Variants in MAP3K1 observed in about 807,000 individuals in gnomAD.
MAP3K1 encodes MAP/ERK kinase kinase 1.
A neutral mutation model predicts 144.2 loss-of-function variants in MAP3K1; 36 were observed. The ratio of observed to expected loss-of-function variants is 0.25; its 90% CI spans 0.19 to 0.33. The LOEUF is 0.33. Among genes scored for constraint, MAP3K1 ranks in the 10% least tolerant of loss-of-function variants. The pLI is 1.00. For missense variants in MAP3K1, 1,650 were observed against 1,881.9 expected (o/e 0.88, Z 2.28); for synonymous variants, 718 against 688.7 (o/e 1.04, Z -0.67).
chr5:56,873,051 TC>T (rs1199100841), intron 9 of MAP3K1, 46 bp downstream of exon 9: 1 of 1,528,908 alleles, frequency 6.5e-7, no homozygotes, highest in South Asian at 1.1e-5. Flanking sequence ...TATTTATAGA[TC>T]AATTAATGTA....
chr5:56,853,899 G>C (rs1326922479), intron 1 of MAP3K1, among the ~76,000 whole-genome samples: 1 of 146,714 alleles, frequency 6.8e-6, no homozygotes, highest in East Asian at 1.9e-4. Flanking sequence ...TCTAAGCCCG[G>C]GGGGAACCAC....
rs535362501 is a variant in MAP3K1 at position 56,870,889 on chromosome 5, ATT to A, written c.1302-1018_1302-1017del. ...AGGTCATGAATATATACCATGTAGT[ATT>A]TTAAGAAATACTAACAAAATTTCCT... On this transcript the variant is annotated intron_variant, in intron 6 of 19. Transcript: ENST00000399503. Among the ~76,000 whole-genome samples the A allele has an allele frequency of 2.8e-3, 419 of 152,268 alleles. 3 individuals are homozygous for A. Among genetic ancestry groups the A allele is most frequent in the Non-Finnish European group, 5.4e-3 (364 of 67,998 alleles).
In MAP3K1 at chr5:56,893,844, T is replaced by C. The variant is rs1748624268; in HGVS notation, c.*164T>C. On this transcript the variant is annotated 3_prime_UTR_variant, in exon 20 of 20. Coordinates refer to ENST00000399503, the MANE Select transcript of MAP3K1 (RefSeq NM_005921.2). Reference sequence around the variant, plus strand: ...AGTATGTGATTGACAAATCATGATCTGTACCTAAGCTCAGTATGCAAAAGC... The same window carrying C: ...AGTATGTGATTGACAAATCATGATCCGTACCTAAGCTCAGTATGCAAAAGC... The C allele has an allele frequency of 1.3e-6, 1 of 751,116 alleles. No homozygotes were observed. Among genetic ancestry groups the C allele is most frequent in the Non-Finnish European group, 2.3e-6 (1 of 442,536 alleles). The allele number at this position is 751,116 out of a possible 1,614,324, so 46.5% of individuals were successfully genotyped here. A position where few individuals can be genotyped will look rare whatever the true frequency, so the allele number is the denominator to read the frequency against.
chr5:56,830,964 A>G (rs1862622), intron 1 of MAP3K1, among the ~76,000 whole-genome samples: 2,203 of 151,644 alleles, frequency 0.015, 65 homozygotes, highest in African/African-American at 0.051. Flanking sequence ...CATTAAAAGC[A>G]TTGGTAACAG....
Position 56,881,952 on chromosome 5 carries a change from A to G in MAP3K1, c.2752A>G (p.Thr918Ala). 6.2e-7 allele frequency: 1 copy of G among 1,614,164 alleles called. No individual in the cohort carries two copies. The highest frequency in any genetic ancestry group is 8.5e-7 in the Non-Finnish European group (1 of 1,180,032). ...GAAAACTGGAAAAGGATTATGTGCT[A>G]CAAAATTGAGTGCCAGTTCAGAGGA... Reference protein sequence around the residue: ...LEKTGKGLCATKLSASSEDIS... With the variant: ...LEKTGKGLCAAKLSASSEDIS... The change falls in exon 14 of 20, where the codon ACA becomes GCA. Residue 918 changes from threonine to alanine, a missense_variant. This residue lies in a region of MAP3K1 where 841 missense variants were observed against 886.5 expected (regional missense o/e 0.95). Transcript: ENST00000399503.
intron 9 of MAP3K1, among the ~76,000 whole-genome samples, chr5:56,874,457 A>C (rs946371699): frequency 6.6e-5 from 10 of 151,990 alleles, no homozygotes; most frequent in African/African-American, 1.9e-4. Context: ...CAGTTGTTTG[A>C]TTTGTCCACT....
intron 19 of MAP3K1, among the ~76,000 whole-genome samples, chr5:56,888,793 G>A (rs114109357): frequency 0.012 from 1,875 of 152,232 alleles, 48 homozygotes; most frequent in African/African-American, 0.042. Context: ...CAGGTTAGGT[G>A]TATTAACTGC....
chr5:56,842,090 T>C (rs1342738536), intron 1 of MAP3K1: 1 of 152,264 alleles, frequency 6.6e-6, no homozygotes, highest in Non-Finnish European at 1.5e-5. Flanking sequence ...AAGGAACTAA[T>C]ATTAAACAGT....
chr5:56,873,956 AG>A lies in MAP3K1; in HGVS notation c.1686+952del, dbSNP rs1048778025. 9.3e-4 allele frequency among the ~76,000 whole-genome samples: 142 copies of A among 152,306 alleles called. 1 individual carries two copies. Among genetic ancestry groups the A allele is most frequent in the African/African-American group, 3.3e-3 (136 of 41,566 alleles). On this transcript the variant is annotated intron_variant, in intron 9 of 19. Coordinates refer to ENST00000399503, the MANE Select transcript of MAP3K1 (RefSeq NM_005921.2). ...CACCTGCCCTTTCATGACCCATCAA[AG>A]AACTCTCAAGTTGATTCTGAGCTGT...
chr5:56,849,678 G>T (rs1189005583), intron 1 of MAP3K1, among the ~76,000 whole-genome samples: 1 of 152,222 alleles, frequency 6.6e-6, no homozygotes, highest in Non-Finnish European at 1.5e-5. Context: ...TAGGCCAACA[G>T]TTGGCAAAGA....
Position 56,871,906 on chromosome 5 carries a change from A to G in MAP3K1, c.1302-4A>G, listed in dbSNP as rs79382374. The G allele has an allele frequency of 2.2e-4, 350 of 1,613,584 alleles. No individual in the cohort carries two copies. Among genetic ancestry groups the G allele is most frequent in the Non-Finnish European group, 2.6e-4 (304 of 1,179,572 alleles). On this transcript the variant is annotated splice_region_variant and splice_polypyrimidine_tract_variant and intron_variant, in intron 6 of 19. Transcript: ENST00000399503. ...TTAATACTTTTTCTTCCCCTTTTCT[A>G]TAGCATAAAGGATGAAGAGGAACAG...
At chr5:56,874,578 T>C (rs528332354) in intron 9 of MAP3K1, among the ~76,000 whole-genome samples, 1 of 152,334 alleles carries the variant, frequency 6.6e-6, no homozygotes, top group East Asian at 1.9e-4. Flanking sequence ...AGAGAAATAC[T>C]CTATATCTCT....
In MAP3K1 at chr5:56,880,695, T is replaced by C; in HGVS notation, c.2088-16T>C. 1.3e-6 allele frequency: 2 copies of C among 1,595,662 alleles called. No homozygotes were observed. Among genetic ancestry groups the C allele is most frequent in the South Asian group, 1.1e-5 (1 of 90,684 alleles). ...GCCAAGATCCAGGATTGATGTTGCTTTTCCTTTGTTTTTAGCCGCACAAGT... is the reference window on the plus strand; with the variant it reads ...GCCAAGATCCAGGATTGATGTTGCTCTTCCTTTGTTTTTAGCCGCACAAGT... On this transcript the variant is annotated splice_polypyrimidine_tract_variant and intron_variant, in intron 11 of 19. Transcript: ENST00000399503.
chr5:56,850,418 T>C (rs938694772), intron 1 of MAP3K1, among the ~76,000 whole-genome samples: 4 of 152,216 alleles, frequency 2.6e-5, no homozygotes, highest in Non-Finnish European at 2.9e-5. Context: ...CTACGATCGT[T>C]ATAGTCTTAG....
chr5:56,825,248 G>A (rs182503766), intron 1 of MAP3K1, among the ~76,000 whole-genome samples: 60 of 152,166 alleles, frequency 3.9e-4, no homozygotes, highest in African/African-American at 1.3e-3. Context: ...CCTGACCTCA[G>A]GTAATCCACC....
intron 1 of MAP3K1, among the ~76,000 whole-genome samples, chr5:56,855,384 T>C (rs971189535): frequency 6.6e-6 from 1 of 152,182 alleles, no homozygotes; most frequent in Non-Finnish European, 1.5e-5. Flanking sequence ...TTTTACGCTG[T>C]GGTCTTAATG....
chr5:56,853,705 G>C (rs538743239), intron 1 of MAP3K1, among the ~76,000 whole-genome samples: 63 of 152,304 alleles, frequency 4.1e-4, no homozygotes, highest in Non-Finnish European at 7.5e-4. Flanking sequence ...AATCTAGAGA[G>C]TGGGTAGAAA....
At chr5:56,830,288 G>A (rs1321745942) in intron 1 of MAP3K1, among the ~76,000 whole-genome samples, 4 of 152,148 alleles carry the variant, frequency 2.6e-5, no homozygotes, top group Non-Finnish European at 5.9e-5. Flanking sequence ...AAACAAATTA[G>A]TAGACATTTC....
intron 1 of MAP3K1, among the ~76,000 whole-genome samples, chr5:56,839,506 A>G (rs1012634625): frequency 2.6e-5 from 4 of 152,212 alleles, no homozygotes; most frequent in Admixed American, 6.5e-5. Flanking sequence ...ATATTAACCA[A>G]TGGTTAGTTG....
Sources: gnomAD v4.1 joint callset for allele counts (sites outside exome capture counted in the v4.1 genomes callset) on GRCh38, gnomAD v4.1.1 for gene constraint, gnomAD v4.1.1 regional missense constraint, MANE v1.5 for transcripts, NCBI Gene and HGNC (gene_info 2026-07-23, HGNC 2026-07-21) for gene names.